The following LRRC37A2 variants were observed in gnomAD, a reference collection of about 807,000 sequenced individuals.
LRRC37A2 encodes leucine rich repeat containing 37 member A2.
LRRC37A2 carries 9 observed loss-of-function variants against 68.8 expected under a neutral mutation model. The observed-to-expected ratio is 0.13, with a 90% CI of 0.08 to 0.23. The LOEUF is 0.23. LRRC37A2 is among the 10% of genes least tolerant of loss of function. The probability of loss-of-function intolerance (pLI) is 1.00; values close to 1 mark genes in which losing one functional copy is unlikely to be tolerated. For synonymous variants in LRRC37A2, 63 were observed against 367.6 expected (o/e 0.17, Z 9.48); for missense variants, 168 against 950.4 (o/e 0.18, Z 10.82).
the LRRC37A2 span, among the ~76,000 whole-genome samples, chr17:46,691,882 A>G: frequency 6.0e-5 from 9 of 151,024 alleles, no homozygotes; most frequent in African/African-American, 2.2e-4. Context: ...CCTCCAGAGT[A>G]GCTGGGATTA....
the LRRC37A2 span, chr17:46,751,642 C>A: frequency 6.9e-7 from 1 of 1,456,022 alleles, no homozygotes; most frequent in Non-Finnish European, 9.6e-7. Flanking sequence ...CTCCGTATGA[C>A]TCAGACAGAA....
the LRRC37A2 span, among the ~76,000 whole-genome samples, chr17:46,904,271 G>A: frequency 1.1e-3 from 166 of 151,354 alleles, 2 homozygotes; most frequent in African/African-American, 3.4e-3. Context: ...TGGATGGATG[G>A]GTGGATGAAT....
At chr17:46,830,542 G>C in the LRRC37A2 span, 1 of 397,042 alleles carries the variant, frequency 2.5e-6, no homozygotes, top group Non-Finnish European at 4.4e-6. Flanking sequence ...CACCACACCT[G>C]GCCAGAAATC....
intron 8 of LRRC37A2, among the ~76,000 whole-genome samples, chr17:46,542,343 T>C (rs1266041330): frequency 9.4e-5 from 14 of 148,960 alleles, no homozygotes; most frequent in African/African-American, 3.1e-4. Flanking sequence ...CATTTTGAGT[T>C]AATTTGCATA....
chr17:46,773,551 C>T, the LRRC37A2 span: 13 of 1,220,078 alleles, frequency 1.1e-5, no homozygotes, highest in Non-Finnish European at 1.5e-5. Context: ...AATTTATCAC[C>T]CTCCCAGAGG....
At chr17:46,846,664 G>A in the LRRC37A2 span, among the ~76,000 whole-genome samples, 1 of 152,254 alleles carries the variant, frequency 6.6e-6, no homozygotes, top group African/African-American at 2.4e-5. Flanking sequence ...AGCCTGCCTT[G>A]GCTGAACTCA....
the LRRC37A2 span, among the ~76,000 whole-genome samples, chr17:46,741,154 A>G: frequency 6.6e-6 from 1 of 152,190 alleles, no homozygotes; most frequent in Non-Finnish European, 1.5e-5. Context: ...CTCACTGGAC[A>G]TGAGAGCCTC....
At chr17:46,721,660 C>G in the LRRC37A2 span, 1 of 1,602,798 alleles carries the variant, frequency 6.2e-7, no homozygotes, top group East Asian at 2.2e-5. Flanking sequence ...AAGTTTCAAC[C>G]TTGTGTTCCA....
At chr17:46,799,158 G>C in the LRRC37A2 span, among the ~76,000 whole-genome samples, 1 of 151,866 alleles carries the variant, frequency 6.6e-6, no homozygotes, top group Middle Eastern at 3.5e-3. Context: ...ATACCAGAAC[G>C]CAAGGTCATG....
At chr17:46,876,785 C>A in the LRRC37A2 span, 1 of 1,472,224 alleles carries the variant, frequency 6.8e-7, no homozygotes, top group Non-Finnish European at 9.0e-7. Flanking sequence ...AGCTGCCCAG[C>A]CGGCCCTCTG....
chr17:47,018,235 T>G, the LRRC37A2 span: 1 of 1,611,784 alleles, frequency 6.2e-7, no homozygotes, highest in South Asian at 1.1e-5. Context: ...GAGCCTCCAG[T>G]TCCTCCTATG....
At chr17:46,495,599 G>T in the LRRC37A2 span, among the ~76,000 whole-genome samples, 4 of 150,642 alleles carry the variant, frequency 2.7e-5, no homozygotes, top group African/African-American at 1.0e-4. Flanking sequence ...TGGCCAGGCT[G>T]GTCTCGAACT....
the LRRC37A2 span, among the ~76,000 whole-genome samples, chr17:46,872,019 G>A: frequency 3.3e-5 from 5 of 152,230 alleles, no homozygotes; most frequent in Non-Finnish European, 4.4e-5. Flanking sequence ...CTGGGTGTCC[G>A]CTCAATGTCC....
At chr17:46,803,863 CAG>C in the LRRC37A2 span, among the ~76,000 whole-genome samples, 1 of 152,358 alleles carries the variant, frequency 6.6e-6, no homozygotes, top group East Asian at 1.9e-4. Flanking sequence ...CCAGATACTC[CAG>C]GAGCCTAAAT....
chr17:46,740,542 T>C, the LRRC37A2 span, among the ~76,000 whole-genome samples: 8 of 152,142 alleles, frequency 5.3e-5, no homozygotes, highest in Non-Finnish European at 7.3e-5. Context: ...GTGGGGAGTT[T>C]GGATTTGCTG....
chr17:46,605,932 C>T, the LRRC37A2 span, among the ~76,000 whole-genome samples: 11 of 41,556 alleles, frequency 2.6e-4, no homozygotes, highest in Non-Finnish European at 3.1e-4. Context: ...GGCGGATCAC[C>T]TGAGGTTATG....
chr17:46,808,667 C>G, the LRRC37A2 span, among the ~76,000 whole-genome samples: 1 of 152,138 alleles, frequency 6.6e-6, no homozygotes, highest in Non-Finnish European at 1.5e-5. Flanking sequence ...TTAACCTGTT[C>G]CTAGATAGAG....
the LRRC37A2 span, chr17:46,749,734 T>C: frequency 6.3e-7 from 1 of 1,580,488 alleles, no homozygotes; most frequent in African/African-American, 1.4e-5. Flanking sequence ...TAATTAGTCT[T>C]ATTATGTACA....
At chr17:46,935,237 G>C in the LRRC37A2 span, 1 of 1,610,608 alleles carries the variant, frequency 6.2e-7, no homozygotes, top group Non-Finnish European at 8.5e-7. Flanking sequence ...TTTAGTAACT[G>C]TGTTTATATT....
Sources: gnomAD v4.1 joint callset for allele counts (sites outside exome capture counted in the v4.1 genomes callset) on GRCh38, gnomAD v4.1.1 for gene constraint, MANE v1.5 for transcripts, NCBI Gene and HGNC (gene_info 2026-07-23, HGNC 2026-07-21) for gene names.